Variants in IFNGR1 observed in about 807,000 individuals in gnomAD.
IFNGR1 encodes the protein interferon gamma receptor 1, also known as AVP, type 2.
A neutral mutation model predicts 35.4 loss-of-function variants in IFNGR1; 23 were observed. The ratio of observed to expected loss-of-function variants is 0.65; its 90% confidence interval spans 0.47 to 0.92. The LOEUF is 0.92. IFNGR1 is among the 40% of genes least tolerant of loss of function. IFNGR1 has a pLI of 0.00. For missense variants in IFNGR1, 533 were observed against 583.4 expected, an observed-to-expected ratio of 0.91 and a Z score of 0.89; for synonymous variants, 199 against 209.5, an observed-to-expected ratio of 0.95 and a Z score of 0.43.
intron 1 of IFNGR1, among the ~76,000 whole-genome samples, chr6:137,214,442 T>G (rs1779644347): frequency 6.6e-6 from 1 of 152,214 alleles, no homozygotes. Context: ...TGATAATTCT[T>G]GCAGGTGATG....
At chr6:137,208,228 T>G (rs1245311410) in intron 1 of IFNGR1, among the ~76,000 whole-genome samples, 1 of 152,148 alleles carries the variant, frequency 6.6e-6, no homozygotes, top group Non-Finnish European at 1.5e-5. Flanking sequence ...GCATTCAGTT[T>G]TATAAGGGAA....
chr6:137,206,378 T>A, intron 2 of IFNGR1, 70 bp from the exon 3 acceptor site: 1 of 1,232,004 alleles, frequency 8.1e-7, no homozygotes, highest in Non-Finnish European at 1.2e-6. Context: ...TTTCTGTCTG[T>A]GCTTTGCTTT....
chr6:137,199,951 C>T (rs1582630445), intron 6 of IFNGR1, among the ~76,000 whole-genome samples: 3 of 152,048 alleles, frequency 2.0e-5, no homozygotes, highest in South Asian at 4.1e-4. Flanking sequence ...GGTATGTTTA[C>T]GTCACTATTA....
chr6:137,210,444 G>A (rs745429657), intron 1 of IFNGR1, among the ~76,000 whole-genome samples: 67 of 152,182 alleles, frequency 4.4e-4, no homozygotes, highest in Middle Eastern at 3.4e-3. Flanking sequence ...CACAGTTAGC[G>A]ATGTGACCCC....
chr6:137,201,330 C>T (rs538484316), intron 5 of IFNGR1, among the ~76,000 whole-genome samples: 19 of 152,286 alleles, frequency 1.2e-4, no homozygotes, highest in African/African-American at 4.6e-4. Flanking sequence ...TTATGCATTT[C>T]TTTCGGTTAA....
intron 3 of IFNGR1, among the ~76,000 whole-genome samples, chr6:137,204,797 A>G (rs1419903897): frequency 1.3e-5 from 2 of 152,236 alleles, no homozygotes; most frequent in Non-Finnish European, 2.9e-5. Context: ...TTTGGTTAAA[A>G]AAAGACTTCA....
chr6:137,207,533 A>G (rs1582638521), intron 1 of IFNGR1, among the ~76,000 whole-genome samples: 1 of 152,188 alleles, frequency 6.6e-6, no homozygotes, highest in East Asian at 1.9e-4. Context: ...TGTGGCTTGG[A>G]CCCAGGGAGA....
At chr6:137,203,238 G>A (rs549874787) in intron 5 of IFNGR1, among the ~76,000 whole-genome samples, 1 of 152,290 alleles carries the variant, frequency 6.6e-6, no homozygotes, top group East Asian at 1.9e-4. Flanking sequence ...CATTTGTGTA[G>A]TTTTATGTAC....
At position 137,200,933 on chromosome 6, in the gene IFNGR1, A is replaced by G; in HGVS notation, c.809T>C (p.Ile270Thr). The change falls in exon 6 of 7, where the codon ATT becomes ACT. Residue 270 changes from isoleucine to threonine, a missense_variant. Ile to Thr is a moderately conservative substitution (Grantham distance 89). Coordinates refer to ENST00000367739, the MANE Select transcript of IFNGR1 (RefSeq NM_000416.3). The part of the protein sequence containing the change: ...VLSLVFICFY[I>T]KKINPLKEKS... Reference sequence around the variant, plus strand: ...TTCCTTCAATGGATTAATTTTCTTAATATAAAAACAGATGAATACCAGGCT... The same window carrying G: ...TTCCTTCAATGGATTAATTTTCTTAGTATAAAAACAGATGAATACCAGGCT... The G allele has an allele frequency of 6.2e-7, 1 of 1,609,168 alleles. No homozygotes were observed. Among genetic ancestry groups the G allele is most frequent in the Non-Finnish European group, 8.5e-7 (1 of 1,175,834 alleles).
intron 1 of IFNGR1, chr6:137,218,905 T>C (rs1407232865): frequency 4.6e-6 from 2 of 430,308 alleles, no homozygotes; most frequent in Admixed American, 7.0e-5. Flanking sequence ...GACGATATTA[T>C]AATCTTTGAG....
chr6:137,211,539 CCTT>C (rs1218031453), intron 1 of IFNGR1, among the ~76,000 whole-genome samples: 3 of 152,198 alleles, frequency 2.0e-5, no homozygotes, highest in African/African-American at 7.2e-5. Flanking sequence ...TAGGTTTTCT[CCTT>C]CTGCTTCCAG....
intron 1 of IFNGR1, among the ~76,000 whole-genome samples, chr6:137,211,422 G>A (rs1562289104): frequency 6.6e-6 from 1 of 152,162 alleles, no homozygotes; most frequent in East Asian, 1.9e-4. Flanking sequence ...CCAAAATGGT[G>A]TAATAATTTG....
chr6:137,204,261 T>C (rs1779371442), intron 4 of IFNGR1, 71 bp downstream of exon 4: 4 of 1,235,108 alleles, frequency 3.2e-6, no homozygotes, highest in Admixed American at 1.7e-5. Flanking sequence ...CTATTTTCAT[T>C]ACACTACAGA....
chr6:137,218,474 G>A (rs1185107409), intron 1 of IFNGR1: 4 of 1,288,484 alleles, frequency 3.1e-6, no homozygotes, highest in Non-Finnish European at 4.0e-6. Flanking sequence ...AGTGAGTGCC[G>A]GCAATCCACC....
At chr6:137,206,446 G>A in intron 2 of IFNGR1, 138 bp from the exon 3 acceptor site, 2 of 645,252 alleles carry the variant, frequency 3.1e-6, no homozygotes, top group Non-Finnish European at 5.4e-6. Flanking sequence ...GGAGACGCCA[G>A]AGAAAGTAGG....
At chr6:137,199,510 T>TTATATTATATAATATATAATA (rs1562283346) in intron 6 of IFNGR1, among the ~76,000 whole-genome samples, 17 of 4,442 alleles carry the variant, frequency 3.8e-3, no homozygotes, top group African/African-American at 0.014. Context: ...AATATATAAT[T>TTATATTATATAATATATAATA]TATAATATAT....
At chr6:137,202,642 CACAA>C (rs1182204353) in intron 5 of IFNGR1, among the ~76,000 whole-genome samples, 1 of 138,884 alleles carries the variant, frequency 7.2e-6, no homozygotes, top group Admixed American at 7.2e-5. Context: ...CACACACACA[CACAA>C]AGATAATCAT....
rs1439124737 is a variant in IFNGR1, at chr6:137,198,014, G to A, written c.*17C>T. 8.7e-6 allele frequency: 14 copies of A among 1,613,782 alleles called. No individual in the cohort carries two copies. The highest frequency in any genetic ancestry group is 2.2e-5 in the East Asian group (1 of 44,874). ...CCAGGAAAATCAGACTTCAAAGTTG[G>A]TGCAACTTAGCTGATCTCATGAAAA... On this transcript the variant is annotated 3_prime_UTR_variant, in exon 7 of 7. Coordinates refer to ENST00000367739, the MANE Select transcript of IFNGR1 (RefSeq NM_000416.3).
At chr6:137,204,205 A>T in intron 4 of IFNGR1, 127 bp downstream of exon 4, 2 of 808,084 alleles carry the variant, frequency 2.5e-6, no homozygotes, top group Admixed American at 2.1e-5. Context: ...TATTTTTCTT[A>T]TCAAATCTAT....
Sources: gnomAD v4.1 joint callset for allele counts (sites outside exome capture counted in the v4.1 genomes callset) on GRCh38, gnomAD v4.1.1 for gene constraint, MANE v1.5 for transcripts, NCBI Gene and HGNC (gene_info 2026-07-23, HGNC 2026-07-21) for gene names.